The following NCAM2 variants were observed in gnomAD, a reference collection of about 807,000 sequenced individuals.
NCAM2 encodes neural cell adhesion molecule 2, also known as N-CAM-2.
Under a neutral mutation model 98.1 loss-of-function variants are expected in NCAM2, and 30 were observed. That is an observed-to-expected ratio of 0.31 (90% CI 0.23 to 0.41). The LOEUF (loss-of-function observed/expected upper bound fraction) is 0.41, where lower values mean the gene tolerates loss of function less well. Ranked by LOEUF, NCAM2 falls within the 10% of genes least tolerant of loss-of-function variation. The pLI, the probability that NCAM2 is intolerant of heterozygous loss-of-function variation, is 1.00. For synonymous variants in NCAM2, 368 were observed against 342.4 expected, an observed-to-expected ratio of 1.07 and a Z score of -0.83; for missense variants, 867 against 1,005.8, an observed-to-expected ratio of 0.86 and a Z score of 1.87.
At chr21:21,199,552 C>T (rs1253894381) in intron 1 of NCAM2, among the ~76,000 whole-genome samples, 1 of 152,144 alleles carries the variant, frequency 6.6e-6, no homozygotes, top group South Asian at 2.1e-4. Flanking sequence ...GTCTAAAGAG[C>T]GTCTTCCTGT....
At chr21:21,404,598 A>C (rs958861452) in intron 9 of NCAM2, among the ~76,000 whole-genome samples, 5 of 152,008 alleles carry the variant, frequency 3.3e-5, no homozygotes, top group African/African-American at 1.2e-4. Context: ...CAACATGAAA[A>C]CGAACTAATA....
At chr21:20,999,981 AGTTT>A (rs1489684972) in intron 1 of NCAM2, among the ~76,000 whole-genome samples, 3 of 152,198 alleles carry the variant, frequency 2.0e-5, no homozygotes, top group African/African-American at 7.2e-5. Context: ...ATATTCCTAT[AGTTT>A]GTAAAGTGTC....
At chr21:21,233,325 AC>A (rs2147195518) in intron 1 of NCAM2, among the ~76,000 whole-genome samples, 1 of 151,704 alleles carries the variant, frequency 6.6e-6, no homozygotes, top group South Asian at 2.1e-4. Context: ...TAAAGCTCCA[AC>A]TTTTACATTT....
chr21:21,160,916 A>G (rs1295944493), intron 1 of NCAM2, among the ~76,000 whole-genome samples: 2 of 152,042 alleles, frequency 1.3e-5, no homozygotes, highest in Admixed American at 6.6e-5. Context: ...GCCCTATAGC[A>G]CTGAATAATG....
chr21:21,391,154 A>G (rs2076372056), intron 9 of NCAM2, among the ~76,000 whole-genome samples: 1 of 152,290 alleles, frequency 6.6e-6, no homozygotes, highest in African/African-American at 2.4e-5. Flanking sequence ...GACGTTCAAG[A>G]CCAGCCTGAG....
chr21:21,488,243 CAAT>C (rs1271966674), intron 15 of NCAM2, among the ~76,000 whole-genome samples: 1 of 149,054 alleles, frequency 6.7e-6, no homozygotes. Flanking sequence ...ATGTTACACA[CAAT>C]AATATGCAAT....
At chr21:21,451,241 CAAAT>C (rs1319017051) in intron 12 of NCAM2, among the ~76,000 whole-genome samples, 1 of 152,028 alleles carries the variant, frequency 6.6e-6, no homozygotes, top group African/African-American at 2.4e-5. Flanking sequence ...TGTTTACACT[CAAAT>C]AAAACTAAAT....
chr21:21,135,471 A>T (rs1331203668), intron 1 of NCAM2, among the ~76,000 whole-genome samples: 1 of 152,158 alleles, frequency 6.6e-6, no homozygotes, highest in Admixed American at 6.5e-5. Flanking sequence ...GCTCTGAAAC[A>T]CCTCGATAGA....
At chr21:21,463,285 C>G (rs1158985767) in intron 12 of NCAM2, among the ~76,000 whole-genome samples, 1 of 152,048 alleles carries the variant, frequency 6.6e-6, no homozygotes, top group African/African-American at 2.4e-5. Context: ...AATCTTTTCC[C>G]TCTCTCACTT....
intron 1 of NCAM2, among the ~76,000 whole-genome samples, chr21:21,129,555 A>G (rs1023611545): frequency 3.3e-5 from 5 of 152,034 alleles, no homozygotes; most frequent in African/African-American, 1.2e-4. Context: ...AGTCTCCTGG[A>G]GACTGGAAAA....
intron 9 of NCAM2, among the ~76,000 whole-genome samples, chr21:21,408,059 T>C (rs1398346366): frequency 6.6e-6 from 1 of 152,172 alleles, no homozygotes; most frequent in Non-Finnish European, 1.5e-5. Flanking sequence ...AGATAAATAA[T>C]TGTGACTGAG....
chr21:21,011,107 G>A (rs9981650), intron 1 of NCAM2, among the ~76,000 whole-genome samples: 74,220 of 151,728 alleles, frequency 0.49, 18,642 homozygotes, highest in East Asian at 0.76. Context: ...TAAGTATTTG[G>A]TGAATTAATT....
intron 9 of NCAM2, among the ~76,000 whole-genome samples, chr21:21,407,417 T>G (rs542969842): frequency 2.0e-5 from 3 of 152,186 alleles, no homozygotes; most frequent in Admixed American, 1.3e-4. Flanking sequence ...CTGAGTAAAA[T>G]TCACACTGAG....
chr21:21,019,418 G>A (rs1479897221), intron 1 of NCAM2, among the ~76,000 whole-genome samples: 3 of 152,152 alleles, frequency 2.0e-5, no homozygotes, highest in Non-Finnish European at 4.4e-5. Flanking sequence ...CGGAGTTTGA[G>A]ATCTGGCAGA....
intron 12 of NCAM2, among the ~76,000 whole-genome samples, chr21:21,441,227 AT>A (rs1979218702): frequency 1.3e-5 from 2 of 152,126 alleles, no homozygotes; most frequent in Non-Finnish European, 2.9e-5. Flanking sequence ...GACAGTTATT[AT>A]TTTACGAAGC....
At chr21:21,105,215 T>G (rs970317506) in intron 1 of NCAM2, among the ~76,000 whole-genome samples, 1 of 152,166 alleles carries the variant, frequency 6.6e-6, no homozygotes, top group African/African-American at 2.4e-5. Context: ...TGAAATGACA[T>G]GAAGTAGGAC....
At chr21:21,089,438 C>CA (rs1237449887) in intron 1 of NCAM2, among the ~76,000 whole-genome samples, 1 of 152,128 alleles carries the variant, frequency 6.6e-6, no homozygotes, top group East Asian at 1.9e-4. Flanking sequence ...ACCCACAATA[C>CA]AAAAAATCAA....
intron 1 of NCAM2, among the ~76,000 whole-genome samples, chr21:21,126,220 A>T (rs1041724063): frequency 1.5e-5 from 2 of 137,412 alleles, no homozygotes; most frequent in Non-Finnish European, 3.1e-5. Context: ...TCCATTTCCG[A>T]TACTATCATG....
chr21:21,229,411 A>G (rs947644227), intron 1 of NCAM2, among the ~76,000 whole-genome samples: 1 of 151,550 alleles, frequency 6.6e-6, no homozygotes, highest in Non-Finnish European at 1.5e-5. Flanking sequence ...TGTCACTTTA[A>G]CAACTTATAT....
Sources: allele counts gnomAD v4.1 joint callset (sites outside exome capture counted in the v4.1 genomes callset), GRCh38; gene constraint gnomAD v4.1.1; transcripts MANE v1.5; gene names NCBI Gene and HGNC (gene_info 2026-07-23, HGNC 2026-07-21).